Variants in DYSF observed in about 807,000 individuals in gnomAD.
DYSF encodes the protein dystrophy-associated fer-1-like 1.
A neutral mutation model predicts 274.9 loss-of-function variants in DYSF; 212 were observed. The ratio of observed to expected loss-of-function variants is 0.77; its 90% CI spans 0.69 to 0.86. The LOEUF is 0.86. DYSF is among the 40% of genes least tolerant of loss of function. DYSF has a pLI of 0.00. For missense variants in DYSF, 2,666 were observed against 2,783.2 expected, an observed-to-expected ratio of 0.96 and a Z score of 0.95; for synonymous variants, 1,091 against 1,078.7, an observed-to-expected ratio of 1.01 and a Z score of -0.22.
chr2:71,604,930 C>T (rs886967598), intron 36 of DYSF, among the ~76,000 whole-genome samples: 1 of 152,186 alleles, frequency 6.6e-6, no homozygotes, highest in African/African-American at 2.4e-5. Flanking sequence ...CATGTCACCT[C>T]CTGGATGTGG....
chr2:71,637,440 G>C (rs2152918318), intron 41 of DYSF, among the ~76,000 whole-genome samples: 1 of 152,308 alleles, frequency 6.6e-6, no homozygotes, highest in Non-Finnish European at 1.5e-5. Context: ...GAGAAAGGAA[G>C]CAGGGACATG....
chr2:71,679,657 C>T (rs573394870), intron 53 of DYSF, among the ~76,000 whole-genome samples: 47 of 152,164 alleles, frequency 3.1e-4, no homozygotes, highest in Non-Finnish European at 2.5e-4. Flanking sequence ...CTGGAGGGCC[C>T]GAGAGAACCG....
intron 42 of DYSF, among the ~76,000 whole-genome samples, chr2:71,655,657 T>C (rs2094754456): frequency 6.6e-6 from 1 of 152,260 alleles, no homozygotes; most frequent in Non-Finnish European, 1.5e-5. Context: ...CCATTGTCAT[T>C]GGATATCCTG....
At chr2:71,621,001 G>A (rs1301367994) in intron 41 of DYSF, among the ~76,000 whole-genome samples, 2 of 152,090 alleles carry the variant, frequency 1.3e-5, no homozygotes, top group Non-Finnish European at 2.9e-5. Flanking sequence ...GCTCCTCCCT[G>A]ATGTGTGAAG....
At chr2:71,553,771 C>G in intron 20 of DYSF, 36 bp from the exon 21 acceptor site, 1 of 1,088,488 alleles carries the variant, frequency 9.2e-7, no homozygotes. Flanking sequence ...GCCCTCCACT[C>G]CTGGCACAGC....
intron 10 of DYSF, among the ~76,000 whole-genome samples, chr2:71,518,451 C>T (rs1485599903): frequency 3.5e-5 from 5 of 142,292 alleles, no homozygotes; most frequent in African/African-American, 1.3e-4. Context: ...ATTTTTAGTA[C>T]AGATGGGGTT....
chr2:71,671,179 G>T (rs939735067), intron 51 of DYSF, among the ~76,000 whole-genome samples: 1 of 152,184 alleles, frequency 6.6e-6, no homozygotes, highest in Admixed American at 6.5e-5. Flanking sequence ...AGAAAACATG[G>T]ATTCAACAGG....
intron 14 of DYSF, among the ~76,000 whole-genome samples, chr2:71,532,975 A>C (rs1559095708): frequency 2.0e-5 from 3 of 152,030 alleles, no homozygotes; most frequent in African/African-American, 4.8e-5. Flanking sequence ...CTTTTATATT[A>C]TTCTGGTTTT....
At chr2:71,564,262 GGCC>G in intron 24 of DYSF, 49 bp downstream of exon 24, 1 of 1,611,324 alleles carries the variant, frequency 6.2e-7, no homozygotes, top group Non-Finnish European at 8.5e-7. Flanking sequence ...CCCAACATAA[GGCC>G]TTTCTCCCAT....
chr2:71,684,026 C>G (rs777748294), intron 55 of DYSF, among the ~76,000 whole-genome samples: 1 of 152,206 alleles, frequency 6.6e-6, no homozygotes, highest in Non-Finnish European at 1.5e-5. Context: ...AGTCTAGAAC[C>G]AGGGTGGTGA....
intron 12 of DYSF, among the ~76,000 whole-genome samples, chr2:71,524,126 C>G (rs994319079): frequency 1.3e-5 from 2 of 152,152 alleles, no homozygotes; most frequent in African/African-American, 4.8e-5. Context: ...CTTTGCCTAC[C>G]AAGAGCCAAT....
At chr2:71,522,258 G>C (rs1415380874) in intron 12 of DYSF, among the ~76,000 whole-genome samples, 3 of 151,654 alleles carry the variant, frequency 2.0e-5, no homozygotes, top group Non-Finnish European at 4.4e-5. Context: ...TTTTGAAAGG[G>C]TGCACTGCAT....
intron 40 of DYSF, 80 bp from the exon 41 acceptor site, chr2:71,620,467 C>T (rs375321185): frequency 1.9e-5 from 27 of 1,443,274 alleles, no homozygotes; most frequent in South Asian, 6.1e-5. Flanking sequence ...GGTCAGAGAG[C>T]GCTACCTCTT....
At chr2:71,676,207 G>T (rs1291900327) in intron 52 of DYSF, among the ~76,000 whole-genome samples, 1 of 151,732 alleles carries the variant, frequency 6.6e-6, no homozygotes, top group African/African-American at 2.4e-5. Flanking sequence ...CATTTTAATG[G>T]CTTTTGAAAC....
intron 3 of DYSF, among the ~76,000 whole-genome samples, chr2:71,498,663 G>A (rs1178663893): frequency 6.6e-6 from 1 of 152,226 alleles, no homozygotes; most frequent in Non-Finnish European, 1.5e-5. Flanking sequence ...AGGCAAGGAC[G>A]AGGTTTGTTT....
chr2:71,496,479 G>T (rs542213955), intron 3 of DYSF, among the ~76,000 whole-genome samples: 86 of 152,238 alleles, frequency 5.6e-4, no homozygotes, highest in African/African-American at 2.0e-3. Context: ...ACAGGCCTGG[G>T]GACTGGCCAG....
At chr2:71,677,501 TGG>T (rs2095240888) in intron 52 of DYSF, among the ~76,000 whole-genome samples, 1 of 152,184 alleles carries the variant, frequency 6.6e-6, no homozygotes, top group Non-Finnish European at 1.5e-5. Flanking sequence ...AATTTTCATA[TGG>T]TTCAACCTAA....
Position 71,686,508 on chromosome 2 carries a change from G to A in DYSF, c.*16G>A. On this transcript the variant is annotated 3_prime_UTR_variant, in exon 56 of 56. Coordinates refer to ENST00000410020, the MANE Select transcript of DYSF (RefSeq NM_001130987.2). ...CTTCAGCTGAGGACTCTCCTGCCCT[G>A]TAGAAGGGGCCGTGGGGTCCCCTCC... The A allele has an allele frequency of 6.2e-7, 1 of 1,613,984 alleles. No individual in the cohort carries two copies. Among genetic ancestry groups the A allele is most frequent in the African/African-American group, 1.3e-5 (1 of 75,052 alleles).
intron 52 of DYSF, among the ~76,000 whole-genome samples, chr2:71,677,522 G>A (rs1011924413): frequency 1.3e-5 from 2 of 152,036 alleles, no homozygotes; most frequent in Non-Finnish European, 2.9e-5. Context: ...AATAGCTGAA[G>A]GTATCCTGGG....
Sources: allele counts gnomAD v4.1 joint callset (sites outside exome capture counted in the v4.1 genomes callset), GRCh38; gene constraint gnomAD v4.1.1; transcripts MANE v1.5; gene names NCBI Gene and HGNC (gene_info 2026-07-23, HGNC 2026-07-21).